EIF4G3: variants seen among roughly 807,000 people sequenced by gnomAD.
The protein encoded by EIF4G3 is eIF-4-gamma 3.
EIF4G3 carries 34 observed loss-of-function variants against 186.4 expected under a neutral mutation model. The observed-to-expected ratio is 0.18, with a 90% CI of 0.14 to 0.24. EIF4G3 has a LOEUF of 0.24. EIF4G3 is among the 10% of genes least tolerant of loss of function. The pLI, the probability that EIF4G3 is intolerant of heterozygous loss-of-function variation, is 1.00. For synonymous variants in EIF4G3, 673 were observed against 679.5 expected, an observed-to-expected ratio of 0.99 and a Z score of 0.15; for missense variants, 1,536 against 1,948.5, an observed-to-expected ratio of 0.79 and a Z score of 3.99.
intron 2 of EIF4G3, among the ~76,000 whole-genome samples, chr1:21,160,135 C>A (rs1200927521): frequency 6.6e-6 from 1 of 150,910 alleles, no homozygotes; most frequent in Admixed American, 6.6e-5. Flanking sequence ...ATAATGGCTT[C>A]TTGAAAGAAC....
At chr1:20,886,478 A>T in intron 18 of EIF4G3, 107 bp from the exon 19 acceptor site, 1 of 1,087,742 alleles carries the variant, frequency 9.2e-7, no homozygotes, top group African/African-American at 1.6e-5. Context: ...AGATGCAAAG[A>T]TTGGGTACTA....
chr1:21,153,952 T>C (rs2097591638), intron 2 of EIF4G3, among the ~76,000 whole-genome samples: 2 of 152,156 alleles, frequency 1.3e-5, no homozygotes, highest in Non-Finnish European at 2.9e-5. Context: ...CTGTTGGGTT[T>C]CACAGGCCAG....
intron 16 of EIF4G3, among the ~76,000 whole-genome samples, chr1:20,899,453 C>T (rs1359243484): frequency 2.6e-5 from 4 of 152,216 alleles, no homozygotes; most frequent in Non-Finnish European, 4.4e-5. Flanking sequence ...CTGTCTGATT[C>T]CCTCTGCCAG....
chr1:20,809,315 T>C (rs1165008066), intron 36 of EIF4G3, among the ~76,000 whole-genome samples: 1 of 152,210 alleles, frequency 6.6e-6, no homozygotes, highest in Non-Finnish European at 1.5e-5. Flanking sequence ...GTCTCTTCAG[T>C]TACACTATAA....
rs2095722598 is a variant in EIF4G3 at position 20,941,728 on chromosome 1, T to C, written c.1426A>G (p.Thr476Ala). 1 of 1,608,900 alleles carries C rather than the reference T, an allele frequency of 6.2e-7. No individual in the cohort carries two copies. The highest frequency in any genetic ancestry group is 1.1e-5 in the South Asian group (1 of 90,386). ...GTGTGAGGAGGAGAAGCTGGAGGAG[T>C]TGGAGGAGTTGGAGGAAAGGAAGGA... ...TVPSFPPTPP[T>A]PPASPPHTPV... The change falls in exon 14 of 37, where the codon ACT becomes GCT. Residue 476 changes from threonine to alanine, a missense_variant. By Grantham distance (58) the Thr-to-Ala change is moderately conservative (BLOSUM62 0). This residue lies in a region of EIF4G3 where 560 missense variants were observed against 547.8 expected (regional missense o/e 1.02). Transcript: ENST00000602326.
intron 7 of EIF4G3, among the ~76,000 whole-genome samples, chr1:20,991,562 T>C (rs1376770528): frequency 1.4e-5 from 2 of 138,174 alleles, no homozygotes; most frequent in Non-Finnish European, 3.2e-5. Flanking sequence ...AGTGAGACTC[T>C]GTCTCATAAA....
chr1:20,815,560 A>C (rs910289606), intron 34 of EIF4G3, among the ~76,000 whole-genome samples: 1 of 150,740 alleles, frequency 6.6e-6, no homozygotes, highest in Non-Finnish European at 1.5e-5. Context: ...GCCCCGTCTG[A>C]GAAGTGGGGA....
intron 6 of EIF4G3, chr1:20,998,889 T>C: frequency 2.6e-6 from 1 of 390,894 alleles, no homozygotes; most frequent in Middle Eastern, 3.6e-4. Context: ...TCTTTGGCTC[T>C]CTTATTTCCT....
chr1:20,831,840 T>C (rs1300730371), intron 30 of EIF4G3, among the ~76,000 whole-genome samples: 2 of 144,734 alleles, frequency 1.4e-5, no homozygotes, highest in African/African-American at 2.6e-5. Flanking sequence ...TTCCCACCTA[T>C]GAGTGAGAAT....
chr1:20,870,400 A>C (rs759784918), intron 20 of EIF4G3, among the ~76,000 whole-genome samples: 13 of 152,210 alleles, frequency 8.5e-5, no homozygotes, highest in Non-Finnish European at 1.0e-4. Context: ...CCCACAGCAC[A>C]GACAAAAAGT....
chr1:21,050,962 A>G lies in EIF4G3; in HGVS notation c.-163T>C, dbSNP rs2094175794. 1.4e-6 allele frequency: 1 copy of G among 717,566 alleles called. No homozygotes were observed. The highest frequency in any genetic ancestry group is 2.6e-6 in the Non-Finnish European group (1 of 385,092). The allele number at this position is 717,566 out of a possible 1,614,324, so 44.4% of individuals were successfully genotyped here. On this transcript the variant is annotated 5_prime_UTR_variant, in exon 4 of 37. Coordinates refer to ENST00000602326, the MANE Select transcript of EIF4G3 (RefSeq NM_001391906.1). ...CATGTGCTGAATAAGGGGATGGGGTAGGGGTTCCCGGCTGTCTTGCCACTT... is the reference window on the plus strand; with the variant it reads ...CATGTGCTGAATAAGGGGATGGGGTGGGGGTTCCCGGCTGTCTTGCCACTT...
At position 21,128,875 on chromosome 1, in the gene EIF4G3, T is replaced by C. The variant is rs112784683; in HGVS notation, c.-271-39662A>G. On this transcript the variant is annotated intron_variant, in intron 2 of 36. Coordinates refer to ENST00000602326, the MANE Select transcript of EIF4G3 (RefSeq NM_001391906.1). The stretch of plus-strand genomic sequence containing the variant: ...TTAGGAAAAAGAAAGCTGCAGAGAA[T>C]ATCACACTCACTTTAAAAGGAGAAA... Among the ~76,000 whole-genome samples the C allele has an allele frequency of 6.0e-3, 919 of 152,290 alleles. 13 individuals are homozygous for C. Among genetic ancestry groups the C allele is most frequent in the East Asian group, 0.024 (125 of 5,186 alleles).
chr1:20,813,514 A>G (rs1248760241), intron 34 of EIF4G3, among the ~76,000 whole-genome samples: 1 of 151,792 alleles, frequency 6.6e-6, no homozygotes, highest in African/African-American at 2.4e-5. Flanking sequence ...GGCTGCAGTA[A>G]GCAATGACTG....
intron 4 of EIF4G3, among the ~76,000 whole-genome samples, chr1:21,004,802 T>G (rs2084576722): frequency 6.6e-6 from 1 of 152,136 alleles, no homozygotes; most frequent in South Asian, 2.1e-4. Context: ...TTTCTTTTTT[T>G]TAATGAGTTA....
At chr1:20,956,476 C>T (rs1421787135) in intron 12 of EIF4G3, among the ~76,000 whole-genome samples, 2 of 151,996 alleles carry the variant, frequency 1.3e-5, no homozygotes, top group Non-Finnish European at 2.9e-5. Flanking sequence ...GCTTAGGCTA[C>T]AATAACAGCA....
chr1:20,898,377 G>C (rs954265346), intron 16 of EIF4G3, among the ~76,000 whole-genome samples: 1 of 151,978 alleles, frequency 6.6e-6, no homozygotes, highest in Admixed American at 6.6e-5. Flanking sequence ...AAATAAAGTG[G>C]TAAGTACTAG....
intron 13 of EIF4G3, among the ~76,000 whole-genome samples, chr1:20,944,341 C>A (rs1024410339): frequency 3.3e-5 from 5 of 151,862 alleles, no homozygotes; most frequent in Non-Finnish European, 5.9e-5. Flanking sequence ...ATAGTGAGAC[C>A]TTTTGTCTAC....
intron 4 of EIF4G3, among the ~76,000 whole-genome samples, chr1:21,010,230 A>G (rs1014399277): frequency 2.4e-4 from 37 of 152,162 alleles, no homozygotes; most frequent in Middle Eastern, 3.4e-3. Flanking sequence ...GCGGATCACG[A>G]GGTCTAGGAG....
rs753749485 is a variant in EIF4G3 at position 20,893,409 on chromosome 1, T to C, written c.2253+108A>G. On this transcript the variant is annotated intron_variant, in intron 18 of 36. Transcript: ENST00000602326. ...GGATAGTCTTTGCCTCTTCTTCTTC[T>C]TCTTGACTAGAATCAACGAATAAAA... 5.3e-5 allele frequency: 64 copies of C among 1,208,074 alleles called. 1 individual carries two copies. Among genetic ancestry groups the C allele is most frequent in the Middle Eastern group, 2.6e-4 (1 of 3,916 alleles). The allele number at this position is 1,208,074 out of a possible 1,614,324, so 74.8% of individuals were successfully genotyped here.
Sources: allele counts gnomAD v4.1 joint callset (sites outside exome capture counted in the v4.1 genomes callset), GRCh38; gene constraint gnomAD v4.1.1; regional missense constraint gnomAD v4.1.1; transcripts MANE v1.5; gene names NCBI Gene and HGNC (gene_info 2026-07-23, HGNC 2026-07-21).